Variants in CWH43 observed in about 807,000 individuals in gnomAD.
The protein encoded by CWH43 is PGAP2-interacting protein.
CWH43 carries 91 observed loss-of-function variants against 85.7 expected under a neutral mutation model. The ratio of observed to expected loss-of-function variants is 1.06; its 90% CI spans 0.90 to 1.26. The LOEUF (loss-of-function observed/expected upper bound fraction) is 1.26. Ranked by LOEUF, CWH43 falls within the 50% of genes most tolerant of loss-of-function variation. The pLI is 0.00. For missense variants in CWH43, 869 were observed against 839.2 expected, an observed-to-expected ratio of 1.04 and a Z score of -0.44; for synonymous variants, 323 against 293.6, an observed-to-expected ratio of 1.10 and a Z score of -1.02.
chr4:49,017,946 T>A (rs1341198013), intron 9 of CWH43, among the ~76,000 whole-genome samples: 1 of 152,100 alleles, frequency 6.6e-6, no homozygotes, highest in Non-Finnish European at 1.5e-5. Flanking sequence ...GCAATTCCCC[T>A]GCCTCAGCCT....
At chr4:49,010,380 G>A (rs1395522961) in intron 8 of CWH43, among the ~76,000 whole-genome samples, 1 of 151,826 alleles carries the variant, frequency 6.6e-6, no homozygotes, top group Non-Finnish European at 1.5e-5. Context: ...TTCTTTATTA[G>A]TCTTGCTAGT....
chr4:49,019,356 G>C (rs1157688847), intron 9 of CWH43, among the ~76,000 whole-genome samples: 2 of 152,090 alleles, frequency 1.3e-5, no homozygotes, highest in Non-Finnish European at 2.9e-5. Flanking sequence ...CTGGGATGTT[G>C]GCAGAAGGAA....
chr4:49,025,521 T>C (rs1040290058), intron 9 of CWH43, among the ~76,000 whole-genome samples: 1 of 152,202 alleles, frequency 6.6e-6, no homozygotes, highest in African/African-American at 2.4e-5. Flanking sequence ...GTGCTGCTCT[T>C]CAGATTCTTT....
At chr4:49,053,535 T>C (rs1784860498) in intron 15 of CWH43, among the ~76,000 whole-genome samples, 1 of 152,180 alleles carries the variant, frequency 6.6e-6, no homozygotes, top group South Asian at 2.1e-4. Context: ...TGTATTTCTT[T>C]GATTAGTGAT....
At chr4:49,045,518 A>G (rs1784596338) in intron 14 of CWH43, among the ~76,000 whole-genome samples, 1 of 152,142 alleles carries the variant, frequency 6.6e-6, no homozygotes, top group Admixed American at 6.6e-5. Flanking sequence ...CTATGTTTAG[A>G]TACACAAATA....
intron 11 of CWH43, among the ~76,000 whole-genome samples, 177 bp from the exon 12 acceptor site, chr4:49,032,389 C>A (rs1323763975): frequency 6.6e-6 from 1 of 152,132 alleles, no homozygotes; most frequent in Non-Finnish European, 1.5e-5. Flanking sequence ...GACATGCTAT[C>A]AGATGAAATG....
intron 8 of CWH43, among the ~76,000 whole-genome samples, chr4:49,011,343 C>T (rs975254057): frequency 2.6e-5 from 4 of 152,082 alleles, no homozygotes; most frequent in Non-Finnish European, 5.9e-5. Flanking sequence ...GATCTTCCTC[C>T]ATCCCTTTAT....
intron 15 of CWH43, among the ~76,000 whole-genome samples, chr4:49,058,020 T>C (rs563345466): frequency 8.5e-5 from 13 of 152,320 alleles, no homozygotes; most frequent in Non-Finnish European, 1.9e-4. Context: ...GTTTTTTTTA[T>C]AGGCAGCAAT....
chr4:49,010,828 G>A (rs1366591476), intron 8 of CWH43, among the ~76,000 whole-genome samples: 2 of 152,162 alleles, frequency 1.3e-5, no homozygotes, highest in Non-Finnish European at 2.9e-5. Context: ...TCATTGCACT[G>A]TGATCTAAGA....
chr4:48,994,664 C>T lies in CWH43; in HGVS notation c.557C>T (p.Ala186Val). Residue 186 changes from alanine (A) to valine (V), a missense_variant, in exon 5 of 16, where the codon GCC (alanine) becomes GTC (valine). This residue lies in a region of CWH43 where 152 missense variants were observed against 203.6 expected (regional missense o/e 0.75). Transcript: ENST00000226432. ...KPEEKKTGEV[A>V]TGMASRPNWL... is the part of the protein sequence containing the mutation. Reference sequence around the variant, plus strand: ...GAAGAAAAGAAGACTGGTGAGGTAGCCACGGGGATGGCCTCTAGACCCAAC... The same window carrying T: ...GAAGAAAAGAAGACTGGTGAGGTAGTCACGGGGATGGCCTCTAGACCCAAC... The T allele has an allele frequency of 6.2e-7, 1 of 1,614,152 alleles. No homozygotes were observed. Among genetic ancestry groups the T allele is most frequent in the Non-Finnish European group, 8.5e-7 (1 of 1,180,030 alleles).
intron 12 of CWH43, among the ~76,000 whole-genome samples, chr4:49,034,026 T>C (rs1194949525): frequency 6.6e-6 from 1 of 152,174 alleles, no homozygotes; most frequent in Non-Finnish European, 1.5e-5. Flanking sequence ...AATATTTTCT[T>C]AAAAAACTCA....
intron 13 of CWH43, 99 bp downstream of exon 13, chr4:49,038,279 C>T (rs1434462902): frequency 3.0e-6 from 3 of 1,001,410 alleles, no homozygotes; most frequent in Non-Finnish European, 4.4e-6. Context: ...ATTTCATGTG[C>T]AGTCTATCTA....
chr4:49,001,538 A>G (rs1782989415), intron 6 of CWH43, among the ~76,000 whole-genome samples: 1 of 152,158 alleles, frequency 6.6e-6, no homozygotes, highest in South Asian at 2.1e-4. Context: ...TGTGTAGGGT[A>G]TCTCTGGAAG....
At chr4:49,006,909 A>G (rs944437524) in intron 7 of CWH43, among the ~76,000 whole-genome samples, 5 of 152,222 alleles carry the variant, frequency 3.3e-5, no homozygotes, top group African/African-American at 1.2e-4. Flanking sequence ...ACAGTCAGTC[A>G]TGAACACGTT....
intron 12 of CWH43, among the ~76,000 whole-genome samples, chr4:49,035,572 G>A (rs1049550174): frequency 6.6e-6 from 1 of 152,108 alleles, no homozygotes; most frequent in Non-Finnish European, 1.5e-5. Flanking sequence ...TCCAGTTCTT[G>A]TGTCTCTGGA....
intron 10 of CWH43, among the ~76,000 whole-genome samples, chr4:49,030,473 G>A (rs983795969): frequency 5.9e-5 from 9 of 152,162 alleles, no homozygotes; most frequent in African/African-American, 2.2e-4. Flanking sequence ...GTTTGTGCTG[G>A]AATAAAATGC....
chr4:49,054,453 T>C (rs1259411184), intron 15 of CWH43, among the ~76,000 whole-genome samples: 1 of 152,192 alleles, frequency 6.6e-6, no homozygotes, highest in East Asian at 1.9e-4. Flanking sequence ...TGCCTCCAGC[T>C]TTGTTCTTTT....
intron 9 of CWH43, among the ~76,000 whole-genome samples, chr4:49,019,285 A>G (rs1489061066): frequency 6.6e-6 from 1 of 152,190 alleles, no homozygotes; most frequent in South Asian, 2.1e-4. Flanking sequence ...GATTAGAGAA[A>G]ACTGTCTGAG....
At chr4:49,044,914 A>G (rs1577705620) in intron 14 of CWH43, 67 bp downstream of exon 14, 1 of 1,304,190 alleles carries the variant, frequency 7.7e-7, no homozygotes, top group Non-Finnish European at 1.1e-6. Flanking sequence ...CTGTCTGAGA[A>G]GGAAAAAGAA....
Sources: gnomAD v4.1 joint callset for allele counts (sites outside exome capture counted in the v4.1 genomes callset) on GRCh38, gnomAD v4.1.1 for gene constraint, gnomAD v4.1.1 regional missense constraint, MANE v1.5 for transcripts, NCBI Gene and HGNC (gene_info 2026-07-23, HGNC 2026-07-21) for gene names.